The following ITPR2 variants were observed in gnomAD, a reference collection of about 807,000 sequenced individuals.
ITPR2 encodes the protein inositol 1,4,5-trisphosphate receptor type 2, also known as inositol 1,4,5-trisphosphate-gated calcium channel ITPR2.
A neutral mutation model predicts 317.1 loss-of-function variants in ITPR2; 207 were observed. The observed-to-expected ratio is 0.65, with a 90% CI of 0.58 to 0.73. ITPR2 has a LOEUF of 0.73. Among genes scored for constraint, ITPR2 ranks in the 30% least tolerant of loss-of-function variants. The pLI, the probability that ITPR2 is intolerant of heterozygous loss-of-function variation, is 0.00. For synonymous variants in ITPR2, 1,156 were observed against 1,149.1 expected, an observed-to-expected ratio of 1.01 and a Z score of -0.12; for missense variants, 2,613 against 3,284.0, an observed-to-expected ratio of 0.80 and a Z score of 4.99.
At chr12:26,489,445 A>G (rs1332953867) in intron 39 of ITPR2, among the ~76,000 whole-genome samples, 1 of 152,212 alleles carries the variant, frequency 6.6e-6, no homozygotes, top group Non-Finnish European at 1.5e-5. Flanking sequence ...ATCTAAGAGC[A>G]CAGAATCTGG....
intron 54 of ITPR2, among the ~76,000 whole-genome samples, chr12:26,395,872 T>C (rs1331341016): frequency 1.3e-5 from 2 of 152,216 alleles, no homozygotes; most frequent in African/African-American, 2.4e-5. Flanking sequence ...TAACTGGATG[T>C]TGACGGGAGC....
chr12:26,725,731 A>T lies in ITPR2; in HGVS notation c.198T>A (p.Tyr66Ter). The T allele has an allele frequency of 6.2e-7, 1 of 1,613,254 alleles. No homozygotes were observed. The highest frequency in any genetic ancestry group is 8.5e-7 in the Non-Finnish European group (1 of 1,179,422). The change falls in exon 3 of 57, where the codon TAT (tyrosine) becomes TAA (stop). Residue 66 changes from tyrosine to a stop codon, truncating the protein, a stop_gained. Transcript: ENST00000381340. LOFTEE classifies it high-confidence loss of function. ...CLFKVCPMNR[Y>*]SAQKQYWKAK... Reference sequence around the variant, plus strand: ...CTTTCCAATATTGCTTCTGGGCAGAATATCTGTTCATAGGGCACACCTTGA... The same window carrying T: ...CTTTCCAATATTGCTTCTGGGCAGATTATCTGTTCATAGGGCACACCTTGA...
Position 26,681,954 on chromosome 12 carries a change from G to A in ITPR2, c.1329C>T (p.Asp443=). 2 of 1,613,564 alleles carry A rather than the reference G, an allele frequency of 1.2e-6. No individual in the cohort carries two copies. ...GTACTTTATTGGCATCATTGGCAAA[G>A]TCTAAGTCTCGAACTTCAGACAGTG... ...SVPLSEVRDL[D]FANDANKVLA... Residue 443 remains aspartate (D), a synonymous_variant, in exon 13 of 57, where the codon GAC becomes GAT. Coordinates refer to ENST00000381340, the MANE Select transcript of ITPR2 (RefSeq NM_002223.4).
chr12:26,340,345 G>A lies in ITPR2; in HGVS notation c.7858-17C>T. ...ATTCTTCTCCTGAAAGCAAATAAAT[G>A]TGTGCGAACAAGGGAATAAGTATGG... On this transcript the variant is annotated splice_polypyrimidine_tract_variant and intron_variant, in intron 55 of 56. Transcript: ENST00000381340. 1 of 1,584,548 alleles carries A rather than the reference G, an allele frequency of 6.3e-7. No individual in the cohort carries two copies. The highest frequency in any genetic ancestry group is 8.6e-7 in the Non-Finnish European group (1 of 1,164,058).
chr12:26,467,563 T>C (rs891471363), intron 45 of ITPR2, among the ~76,000 whole-genome samples: 3 of 152,124 alleles, frequency 2.0e-5, no homozygotes, highest in African/African-American at 7.2e-5. Context: ...CAGTGGATAG[T>C]AAAAGCAGGC....
At chr12:26,423,091 A>T (rs908941109) in intron 49 of ITPR2, among the ~76,000 whole-genome samples, 6 of 152,162 alleles carry the variant, frequency 3.9e-5, no homozygotes, top group African/African-American at 1.4e-4. Context: ...TACTAAATTC[A>T]TCTCATCATA....
intron 1 of ITPR2, among the ~76,000 whole-genome samples, chr12:26,827,181 A>T (rs993435071): frequency 6.6e-6 from 1 of 152,224 alleles, no homozygotes; most frequent in African/African-American, 2.4e-5. Flanking sequence ...GCAATTGTCC[A>T]TAAGTCAATA....
intron 1 of ITPR2, among the ~76,000 whole-genome samples, chr12:26,813,079 G>T (rs948685868): frequency 2.0e-5 from 3 of 152,106 alleles, no homozygotes; most frequent in Non-Finnish European, 4.4e-5. Flanking sequence ...GTTACATAAA[G>T]ATCACATTTC....
At chr12:26,366,875 G>A (rs936040518) in intron 55 of ITPR2, among the ~76,000 whole-genome samples, 1 of 152,114 alleles carries the variant, frequency 6.6e-6, no homozygotes. Flanking sequence ...GTGAAGAGAA[G>A]AGAGCATGAG....
At chr12:26,533,342 T>G (rs1327611662) in intron 37 of ITPR2, among the ~76,000 whole-genome samples, 5 of 152,196 alleles carry the variant, frequency 3.3e-5, no homozygotes, top group Non-Finnish European at 7.3e-5. Flanking sequence ...TTCCATGGGT[T>G]TAAACCAACT....
chr12:26,707,450 G>A (rs1199642864), intron 9 of ITPR2, among the ~76,000 whole-genome samples: 2 of 152,168 alleles, frequency 1.3e-5, no homozygotes, highest in Non-Finnish European at 2.9e-5. Context: ...AATTCTAGGA[G>A]GTTGTCACTC....
chr12:26,469,946 T>C (rs896640927), intron 45 of ITPR2, among the ~76,000 whole-genome samples: 3 of 152,128 alleles, frequency 2.0e-5, no homozygotes, highest in Non-Finnish European at 4.4e-5. Flanking sequence ...TCTTTTGAAA[T>C]ATTGGAAGAA....
chr12:26,550,092 A>G (rs1944486310), intron 37 of ITPR2, among the ~76,000 whole-genome samples, 155 bp downstream of exon 37: 1 of 152,122 alleles, frequency 6.6e-6, no homozygotes, highest in Non-Finnish European at 1.5e-5. Flanking sequence ...TGAGAGATGA[A>G]TATCATAAAA....
intron 26 of ITPR2, among the ~76,000 whole-genome samples, chr12:26,618,625 C>A (rs75224699): frequency 0.031 from 4,742 of 152,274 alleles, 272 homozygotes; most frequent in African/African-American, 0.11. Flanking sequence ...GGGGAACATA[C>A]TGCATGTGTT....
chr12:26,594,808 T>A (rs1020957883), intron 32 of ITPR2, among the ~76,000 whole-genome samples: 4 of 152,126 alleles, frequency 2.6e-5, no homozygotes, highest in African/African-American at 9.7e-5. Context: ...TTCTTTCTTA[T>A]ATTTCTTCAC....
At chr12:26,548,940 T>A (rs944083063) in intron 37 of ITPR2, among the ~76,000 whole-genome samples, 12 of 152,218 alleles carry the variant, frequency 7.9e-5, no homozygotes, top group African/African-American at 2.9e-4. Flanking sequence ...TTTGGAGTAA[T>A]TCAATAAAAA....
intron 37 of ITPR2, among the ~76,000 whole-genome samples, chr12:26,538,683 T>G (rs1944170462): frequency 6.6e-6 from 1 of 152,092 alleles, no homozygotes; most frequent in Non-Finnish European, 1.5e-5. Flanking sequence ...TACAAGCAAT[T>G]CTTCTGCCTC....
chr12:26,792,851 T>A (rs1208538923), intron 1 of ITPR2, among the ~76,000 whole-genome samples: 1 of 152,218 alleles, frequency 6.6e-6, no homozygotes, highest in East Asian at 1.9e-4. Context: ...CTTCTCCATG[T>A]GGATATTTAC....
rs935725668 is a variant in ITPR2 at position 26,657,613 on chromosome 12, T to A, written c.2192+94A>T. On this transcript the variant is annotated intron_variant, in intron 18 of 56. Coordinates refer to ENST00000381340, the MANE Select transcript of ITPR2 (RefSeq NM_002223.4). The stretch of plus-strand genomic sequence containing the variant: ...TTCTGACATGACTTTTAAAATTGCC[T>A]CTTCATAGATACCTAACTAGTGGCT... 84 of 1,004,686 alleles carry A rather than the reference T, an allele frequency of 8.4e-5. 2 individuals are homozygous for A. The highest frequency in any genetic ancestry group is 6.0e-4 in the East Asian group (25 of 41,666). The allele number at this position is 1,004,686 out of a possible 1,614,324, so 62.2% of individuals were successfully genotyped here.
Sources: allele counts gnomAD v4.1 joint callset (sites outside exome capture counted in the v4.1 genomes callset), GRCh38; gene constraint gnomAD v4.1.1; transcripts MANE v1.5; gene names NCBI Gene and HGNC (gene_info 2026-07-23, HGNC 2026-07-21).